LPCAT1: variants seen among roughly 807,000 people sequenced by gnomAD.
LPCAT1 encodes lysophosphatidylcholine acyltransferase 1, also known as 1-acylglycerol-3-phosphate O-acyltransferase.
LPCAT1 carries 23 observed loss-of-function variants against 60.9 expected under a neutral mutation model. That is an observed-to-expected ratio of 0.38 (90% CI 0.27 to 0.53). The LOEUF is 0.53. Ranked by LOEUF, LPCAT1 falls within the 20% of genes least tolerant of loss-of-function variation. The probability of loss-of-function intolerance (pLI) is 0.82; values close to 1 mark genes in which losing one functional copy is unlikely to be tolerated. For synonymous variants in LPCAT1, 340 were observed against 301.1 expected, an observed-to-expected ratio of 1.13 and a Z score of -1.34; for missense variants, 622 against 723.6, an observed-to-expected ratio of 0.86 and a Z score of 1.61.
chr5:1,494,689 G>A lies in LPCAT1; in HGVS notation c.493+11C>T. 3 of 1,612,698 alleles carry A rather than the reference G, an allele frequency of 1.9e-6. No homozygotes were observed. Among genetic ancestry groups the A allele is most frequent in the Non-Finnish European group, 2.5e-6 (3 of 1,178,656 alleles). ...AGGGTCCCTCACTCCCAGCAGGGGT[G>A]TCTCACTCACTTCCCCAGATCGGGA... On this transcript the variant is annotated intron_variant, in intron 3 of 13. Transcript: ENST00000283415.
In LPCAT1 at chr5:1,480,901, G is replaced by T; in HGVS notation, c.761+41C>A. ...CCCCAAGCAGCCCCTACGTGTTCAT[G>T]GAACAACAGGACAAAGAGGACGACA... On this transcript the variant is annotated intron_variant, in intron 7 of 13. Coordinates refer to ENST00000283415, the MANE Select transcript of LPCAT1 (RefSeq NM_024830.5). The surrounding 1 kb of genome is among the most constrained non-coding windows in gnomAD (Gnocchi z 6.4). The T allele has an allele frequency of 6.2e-7, 1 of 1,612,812 alleles. No homozygotes were observed.
rs925267027 is a variant in LPCAT1, at chr5:1,462,431, C to G, written c.*1220G>C. ...TCTAAGATGGGGCAGGACCCCCGCT[C>G]TCAGTGGGATGTGCCCGCGACCCTG... On this transcript the variant is annotated 3_prime_UTR_variant, in exon 14 of 14. Transcript: ENST00000283415. 3 of 152,424 alleles carry G rather than the reference C, an allele frequency of 2.0e-5. No homozygotes were observed. The highest frequency in any genetic ancestry group is 7.2e-5 in the African/African-American group (3 of 41,452). 9.4% of individuals were successfully genotyped at this position (152,424 alleles called of 1,614,324 possible).
At chr5:1,500,934 G>C (rs1735981233) in intron 2 of LPCAT1, among the ~76,000 whole-genome samples, 2 of 152,222 alleles carry the variant, frequency 1.3e-5, no homozygotes, top group African/African-American at 4.8e-5. Context: ...CTGAGGCAGG[G>C]ACCTCCCTAG....
At position 1,480,262 on chromosome 5, in the gene LPCAT1, G is replaced by A; in HGVS notation, c.762-587C>T. Reference sequence around the variant, plus strand: ...CCCCCTCCCAGCTCTGCTCCCAGCTGGGAGCCTCCACACGCCAGCCTGGGA... The same window carrying A: ...CCCCCTCCCAGCTCTGCTCCCAGCTAGGAGCCTCCACACGCCAGCCTGGGA... On this transcript the variant is annotated intron_variant, in intron 7 of 13. Transcript: ENST00000283415. This position sits in a 1 kb window ranked among gnomAD's most constrained non-coding sequence, Gnocchi z 6.4. 1 of 907,586 alleles carries A rather than the reference G, an allele frequency of 1.1e-6. No individual in the cohort carries two copies. The highest frequency in any genetic ancestry group is 1.3e-6 in the Non-Finnish European group (1 of 761,546). The allele number at this position is 907,586 out of a possible 1,614,324, so 56.2% of individuals were successfully genotyped here.
At position 1,492,087 on chromosome 5, in the gene LPCAT1, G is replaced by A. The variant is rs1971941; in HGVS notation, c.494-2229C>T. Among the ~76,000 whole-genome samples, 5 of 150,186 alleles carry A rather than the reference G, an allele frequency of 3.3e-5. No homozygotes were observed. In the East Asian group the frequency reaches 9.9e-4, roughly 30 times the overall value. ...CTGGGACCATGGGAGATGTCTCTGA[G>A]CTGGAAACCAGGGAGATGTCTCTGA... On this transcript the variant is annotated intron_variant, in intron 3 of 13. Transcript: ENST00000283415.
intron 13 of LPCAT1, among the ~76,000 whole-genome samples, chr5:1,465,638 G>A (rs924498921): frequency 6.7e-6 from 1 of 150,146 alleles, no homozygotes; most frequent in African/African-American, 2.5e-5. Context: ...AAGCACAAGA[G>A]CACAGACACG....
chr5:1,467,827 T>C (rs952004026), intron 12 of LPCAT1, among the ~76,000 whole-genome samples: 1 of 152,118 alleles, frequency 6.6e-6, no homozygotes, highest in African/African-American at 2.4e-5. Flanking sequence ...CTCTTCTACC[T>C]GGTTCTTCCC....
At position 1,476,413 on chromosome 5, in the gene LPCAT1, G is replaced by A. The variant is rs763941589; in HGVS notation, c.899+991C>T. ...GGATGGGAACGTGAGGGAACGGGCCGCCCAGCTGAATCTTCAGGGTGTCAG... is the reference window on the plus strand; with the variant it reads ...GGATGGGAACGTGAGGGAACGGGCCACCCAGCTGAATCTTCAGGGTGTCAG... On this transcript the variant is annotated intron_variant, in intron 9 of 13. Coordinates refer to ENST00000283415, the MANE Select transcript of LPCAT1 (RefSeq NM_024830.5). The surrounding 1 kb of genome is among the most constrained non-coding windows in gnomAD (Gnocchi z 8.6). Among the ~76,000 whole-genome samples, 11 of 152,180 alleles carry A rather than the reference G, an allele frequency of 7.2e-5. No homozygotes were observed. Among genetic ancestry groups the A allele is most frequent in the African/African-American group, 2.4e-4 (10 of 41,518 alleles).
At position 1,477,297 on chromosome 5, in the gene LPCAT1, T is replaced by C; in HGVS notation, c.899+107A>G. 5 of 914,802 alleles carry C rather than the reference T, an allele frequency of 5.5e-6. No individual in the cohort carries two copies. Among genetic ancestry groups the C allele is most frequent in the Non-Finnish European group, 8.6e-6 (5 of 584,158 alleles). The allele number at this position is 914,802 out of a possible 1,614,324, so 56.7% of individuals were successfully genotyped here. A position where few individuals can be genotyped will look rare whatever the true frequency, so the allele number is the denominator to read the frequency against. On this transcript the variant is annotated intron_variant, in intron 9 of 13. Coordinates refer to ENST00000283415, the MANE Select transcript of LPCAT1 (RefSeq NM_024830.5). The surrounding 1 kb of genome is among the most constrained non-coding windows in gnomAD (Gnocchi z 6.0). ...TGCATGAAGCTGGTTCCCGCACTTC[T>C]GCAAGAATGCCTTTTCCTAACGCTG...
At chr5:1,497,565 G>A (rs1056667589) in intron 2 of LPCAT1, among the ~76,000 whole-genome samples, 3 of 152,260 alleles carry the variant, frequency 2.0e-5, no homozygotes, top group African/African-American at 7.2e-5. Context: ...AAGGAGGCAA[G>A]TCTGGTGATC....
chr5:1,481,298 C>A lies in LPCAT1; in HGVS notation c.727-322G>T, dbSNP rs1735131067. On this transcript the variant is annotated intron_variant, in intron 6 of 13. Coordinates refer to ENST00000283415, the MANE Select transcript of LPCAT1 (RefSeq NM_024830.5). The surrounding 1 kb of genome is among the most constrained non-coding windows in gnomAD (Gnocchi z 7.8). The stretch of plus-strand genomic sequence containing the variant: ...TATAGGTTCCCAGAGCCCCTAGAAC[C>A]TGGGAAAAGGGTCCTCCCTCCCTCC... Among the ~76,000 whole-genome samples, 1 of 152,198 alleles carries A rather than the reference C, an allele frequency of 6.6e-6. No individual in the cohort carries two copies. The highest frequency in any genetic ancestry group is 2.4e-5 in the African/African-American group (1 of 41,444).
intron 1 of LPCAT1, among the ~76,000 whole-genome samples, chr5:1,520,546 C>T (rs930370745): frequency 6.6e-6 from 1 of 152,094 alleles, no homozygotes; most frequent in Non-Finnish European, 1.5e-5. Flanking sequence ...ACTCTGGTTC[C>T]GAGCAGCAGA....
rs1736665873 is a variant in LPCAT1, at chr5:1,521,127, A to G, written c.135+2583T>C. On this transcript the variant is annotated intron_variant, in intron 1 of 13. Coordinates refer to ENST00000283415, the MANE Select transcript of LPCAT1 (RefSeq NM_024830.5). This position sits in a 1 kb window ranked among gnomAD's most constrained non-coding sequence, Gnocchi z 4.3. ...TCCTTGCTTTAGCCAGAGGATTAAA[A>G]CATTGCACGTATTACAGACCCTGAT... Among the ~76,000 whole-genome samples, 2 of 152,200 alleles carry G rather than the reference A, an allele frequency of 1.3e-5. No homozygotes were observed.
intron 1 of LPCAT1, among the ~76,000 whole-genome samples, chr5:1,505,878 GA>G (rs1304682254): frequency 6.6e-6 from 1 of 152,228 alleles, no homozygotes; most frequent in East Asian, 1.9e-4. Flanking sequence ...CTATGGGAAA[GA>G]ATGCCTGACC....
intron 1 of LPCAT1, among the ~76,000 whole-genome samples, chr5:1,505,844 G>A (rs564026180): frequency 1.3e-5 from 2 of 152,292 alleles, no homozygotes; most frequent in African/African-American, 2.4e-5. Flanking sequence ...GTGAACAAGC[G>A]ACCCTCTGCA....
intron 9 of LPCAT1, among the ~76,000 whole-genome samples, chr5:1,475,717 A>G (rs1734878878): frequency 6.6e-6 from 1 of 152,152 alleles, no homozygotes; most frequent in African/African-American, 2.4e-5. Flanking sequence ...CCCTCTGCTC[A>G]TGATCAACTC....
intron 1 of LPCAT1, among the ~76,000 whole-genome samples, chr5:1,507,159 T>C (rs1736211978): frequency 6.6e-6 from 1 of 152,078 alleles, no homozygotes; most frequent in East Asian, 1.9e-4. Context: ...TCACCATAGG[T>C]CAGGCCTCCA....
In LPCAT1 at chr5:1,508,216, C is replaced by T. The variant is rs144119929; in HGVS notation, c.136-6613G>A. 2.9e-3 allele frequency among the ~76,000 whole-genome samples: 447 copies of T among 152,348 alleles called. 2 individuals carry two copies. Among genetic ancestry groups the T allele is most frequent in the Middle Eastern group, 0.02 (6 of 294 alleles). On this transcript the variant is annotated intron_variant, in intron 1 of 13. Transcript: ENST00000283415. ...GGCACAGTGGGAGTGCACGTGACCC[C>T]GGCCTGGCCACACACCGTCATTCTC... is the stretch of plus-strand genomic sequence containing the variant.
In LPCAT1 at chr5:1,523,286, A is replaced by AGGCG. The variant is rs1293367521; in HGVS notation, c.135+420_135+423dup. Among the ~76,000 whole-genome samples, 1 of 151,888 alleles carries AGGCG rather than the reference A, an allele frequency of 6.6e-6. No homozygotes were observed. Among genetic ancestry groups the AGGCG allele is most frequent in the African/African-American group, 2.4e-5 (1 of 41,390 alleles). Reference sequence around the variant, plus strand: ...CCCGGGCTGCGCGCAGGGCCTGCCAAGGCGGGCGGGGCCCGGACCAGGGAC... The same window carrying AGGCG: ...CCCGGGCTGCGCGCAGGGCCTGCCAAGGCGGGCGGGCGGGGCCCGGACCAGGGAC... On this transcript the variant is annotated intron_variant, in intron 1 of 13. Coordinates refer to ENST00000283415, the MANE Select transcript of LPCAT1 (RefSeq NM_024830.5). This position sits in a 1 kb window ranked among gnomAD's most constrained non-coding sequence, Gnocchi z 7.1.
Sources: allele counts gnomAD v4.1 joint callset (sites outside exome capture counted in the v4.1 genomes callset), GRCh38; gene constraint gnomAD v4.1.1; non-coding constraint Gnocchi (gnomAD v3.1); transcripts MANE v1.5; gene names NCBI Gene and HGNC (gene_info 2026-07-23, HGNC 2026-07-21).